The following NEXN variants were observed in gnomAD, a reference collection of about 807,000 sequenced individuals.
NEXN encodes nexilin F-actin binding protein, also known as nexilin.
NEXN carries 65 observed loss-of-function variants against 92.6 expected under a neutral mutation model. That is an observed-to-expected ratio of 0.70 (90% confidence interval 0.57 to 0.86). The LOEUF is 0.86. Ranked by LOEUF, NEXN falls within the 40% of genes least tolerant of loss-of-function variation. The pLI, the probability that NEXN is intolerant of heterozygous loss-of-function variation, is 0.00. For missense variants in NEXN, 778 were observed against 771.1 expected (o/e 1.01, Z -0.11); for synonymous variants, 254 against 242.5 (o/e 1.05, Z -0.44).
chr1:77,929,208 C>T, intron 8 of NEXN, 108 bp from the exon 9 acceptor site: 1 of 727,068 alleles, frequency 1.4e-6, no homozygotes, highest in Non-Finnish European at 2.4e-6. Context: ...ATATTAAGGG[C>T]ATTGAAACTC....
rs145421255 is a variant in NEXN at position 77,902,906 on chromosome 1, T to G, written c.-52-13149T>G. 1.3e-3 allele frequency among the ~76,000 whole-genome samples: 197 copies of G among 152,228 alleles called. 2 individuals carry two copies. Among genetic ancestry groups the G allele is most frequent in the African/African-American group, 4.5e-3 (185 of 41,548 alleles). On this transcript the variant is annotated intron_variant, in intron 1 of 12. Transcript: ENST00000334785. ...TTCCATTATAATTAGTTTGGGAAAA[T>G]ACCTCCTTGGTAAAGAAGTGACTTA...
Position 77,942,520 on chromosome 1 carries a change from T to TGAA in NEXN, c.1722_1724dup (p.Glu575dup). ...TCATGAATGGCTCCACTGCTGAAGA[T>TGAA]GAAGAGCAAACCAGATCAGGAGCTC... On this transcript the variant is annotated inframe_insertion, in exon 13 of 13. Coordinates refer to ENST00000334785, the MANE Select transcript of NEXN (RefSeq NM_144573.4). The TGAA allele has an allele frequency of 6.2e-7, 1 of 1,613,910 alleles. No individual in the cohort carries two copies. The highest frequency in any genetic ancestry group is 8.5e-7 in the Non-Finnish European group (1 of 1,179,856).
chr1:77,910,771 A>AC lies in NEXN; in HGVS notation c.-52-5283dup, dbSNP rs1228950628. Among the ~76,000 whole-genome samples, 18 of 151,612 alleles carry AC rather than the reference A, an allele frequency of 1.2e-4. 1 individual carries two copies. In the South Asian group the frequency reaches 1.2e-3, roughly 11 times the overall value. On this transcript the variant is annotated intron_variant, in intron 1 of 12. Coordinates refer to ENST00000334785, the MANE Select transcript of NEXN (RefSeq NM_144573.4). ...CTCAAAAAAAAAAAAAAAAAAAAAA[A>AC]CTAATAAGTTATTTTAGCAGGGTTG...
At chr1:77,927,574 T>C (rs1240700784) in intron 8 of NEXN, among the ~76,000 whole-genome samples, 1 of 151,440 alleles carries the variant, frequency 6.6e-6, no homozygotes, top group Non-Finnish European at 1.5e-5. Context: ...GTGTGCATAT[T>C]TGTGTGCATG....
chr1:77,926,296 G>A (rs1649832451), intron 6 of NEXN, 118 bp from the exon 7 acceptor site: 2 of 658,910 alleles, frequency 3.0e-6, no homozygotes, highest in Non-Finnish European at 5.3e-6. Context: ...GTAAAAAAAT[G>A]TTCTTCATAA....
intron 11 of NEXN, among the ~76,000 whole-genome samples, chr1:77,941,559 T>C (rs1219878416): frequency 1.3e-5 from 2 of 152,014 alleles, no homozygotes; most frequent in African/African-American, 4.8e-5. Flanking sequence ...TCACCATCAA[T>C]ACATTATTTG....
intron 1 of NEXN, among the ~76,000 whole-genome samples, chr1:77,907,925 C>T (rs919540127): frequency 2.6e-5 from 4 of 152,096 alleles, no homozygotes; most frequent in Non-Finnish European, 4.4e-5. Flanking sequence ...TCCAAGTTTT[C>T]CTCATACCCT....
chr1:77,926,895 A>C lies in NEXN; in HGVS notation c.864+3A>C. The C allele has an allele frequency of 6.2e-7, 1 of 1,613,878 alleles. No homozygotes were observed. Among genetic ancestry groups the C allele is most frequent in the Admixed American group, 1.7e-5 (1 of 60,022 alleles). ...TTGAAGAAGCAAGGCGGCAAATGGT[A>C]AATCTACATATTTAAACCTTACAAT... is the stretch of plus-strand genomic sequence containing the variant. On this transcript the variant is annotated splice_donor_region_variant and intron_variant, in intron 8 of 12. Transcript: ENST00000334785.
intron 1 of NEXN, among the ~76,000 whole-genome samples, chr1:77,900,830 G>A (rs1220416073): frequency 6.6e-6 from 1 of 152,076 alleles, no homozygotes; most frequent in East Asian, 1.9e-4. Flanking sequence ...ACTTGCCTGG[G>A]ATTTTAGATA....
At chr1:77,939,945 A>G (rs1651118021) in intron 11 of NEXN, among the ~76,000 whole-genome samples, 1 of 152,092 alleles carries the variant, frequency 6.6e-6, no homozygotes, top group Non-Finnish European at 1.5e-5. Flanking sequence ...GTGGTGGCAG[A>G]CGCCTATAAT....
At chr1:77,928,255 G>A (rs1182687203) in intron 8 of NEXN, among the ~76,000 whole-genome samples, 1 of 148,530 alleles carries the variant, frequency 6.7e-6, no homozygotes, top group African/African-American at 2.5e-5. Context: ...AGGCTACGGC[G>A]AACTATGAAT....
intron 10 of NEXN, 93 bp downstream of exon 10, chr1:77,933,572 C>G (rs2102147542): frequency 1.0e-6 from 1 of 976,548 alleles, no homozygotes; most frequent in South Asian, 1.4e-5. Flanking sequence ...TATTATTCAC[C>G]TTTAGGATAG....
intron 5 of NEXN, among the ~76,000 whole-genome samples, chr1:77,924,525 CTA>C (rs1402914568): frequency 1.3e-5 from 2 of 152,132 alleles, no homozygotes; most frequent in Non-Finnish European, 2.9e-5. Flanking sequence ...AGAAGTGTTT[CTA>C]TGTGTCTTGG....
At chr1:77,899,701 A>C (rs1425111553) in intron 1 of NEXN, among the ~76,000 whole-genome samples, 1 of 152,074 alleles carries the variant, frequency 6.6e-6, no homozygotes, top group Non-Finnish European at 1.5e-5. Context: ...AACAAACAAA[A>C]AAATTTAATC....
At chr1:77,909,345 G>A (rs1369289685) in intron 1 of NEXN, among the ~76,000 whole-genome samples, 6 of 152,002 alleles carry the variant, frequency 3.9e-5, no homozygotes, top group East Asian at 1.9e-4. Flanking sequence ...GCTTGAACCC[G>A]GGAGACAGAA....
intron 1 of NEXN, among the ~76,000 whole-genome samples, chr1:77,904,239 C>T (rs950150419): frequency 1.3e-5 from 2 of 152,090 alleles, no homozygotes; most frequent in African/African-American, 4.8e-5. Flanking sequence ...GTGATCCGCC[C>T]GCCTTAGCCT....
chr1:77,914,407 A>G (rs1395865493), intron 1 of NEXN, among the ~76,000 whole-genome samples: 1 of 152,146 alleles, frequency 6.6e-6, no homozygotes, highest in Non-Finnish European at 1.5e-5. Flanking sequence ...GTGAACCTAA[A>G]ATAAACTCTA....
intron 1 of NEXN, among the ~76,000 whole-genome samples, chr1:77,909,263 A>G (rs1648376731): frequency 6.6e-6 from 1 of 152,126 alleles, no homozygotes; most frequent in Admixed American, 6.5e-5. Context: ...TCTACTAAAA[A>G]TACAAAATTA....
At chr1:77,919,605 C>T (rs1236347446) in intron 5 of NEXN, among the ~76,000 whole-genome samples, 2 of 130,014 alleles carry the variant, frequency 1.5e-5, no homozygotes. Flanking sequence ...TTTTTTGAGA[C>T]GGAGTTTTGC....
Sources: gnomAD v4.1 joint callset for allele counts (sites outside exome capture counted in the v4.1 genomes callset) on GRCh38, gnomAD v4.1.1 for gene constraint, MANE v1.5 for transcripts, NCBI Gene and HGNC (gene_info 2026-07-23, HGNC 2026-07-21) for gene names.